The following CUBN variants were observed in gnomAD, a reference collection of about 807,000 sequenced individuals.
CUBN encodes 460 kDa receptor.
CUBN carries 282 observed loss-of-function variants against 405.3 expected under a neutral mutation model. That is an observed-to-expected ratio of 0.70 (90% confidence interval 0.63 to 0.77). The LOEUF is 0.77. Among genes scored for constraint, CUBN ranks in the 30% least tolerant of loss-of-function variants. The pLI is 0.00. For missense variants in CUBN, 4,514 were observed against 4,475.2 expected, an observed-to-expected ratio of 1.01 and a Z score of -0.25; for synonymous variants, 1,684 against 1,617.0, an observed-to-expected ratio of 1.04 and a Z score of -0.99.
chr10:16,861,890 C>A (rs1218755440), intron 59 of CUBN, among the ~76,000 whole-genome samples: 1 of 152,104 alleles, frequency 6.6e-6, no homozygotes, highest in South Asian at 2.1e-4. Flanking sequence ...GTGGCTCACA[C>A]CTGTAATCCC....
chr10:16,828,246 T>TA (rs1204834473), intron 66 of CUBN, among the ~76,000 whole-genome samples: 1 of 152,178 alleles, frequency 6.6e-6, no homozygotes, highest in African/African-American at 2.4e-5. Context: ...ACTGGAAGTC[T>TA]AATGTAAGTA....
At chr10:16,950,899 A>C (rs1237209045) in intron 33 of CUBN, among the ~76,000 whole-genome samples, 1 of 152,204 alleles carries the variant, frequency 6.6e-6, no homozygotes, top group African/African-American at 2.4e-5. Context: ...CTTGTAAATA[A>C]GGCATTCTTT....
intron 36 of CUBN, among the ~76,000 whole-genome samples, chr10:16,944,989 T>C (rs577991506): frequency 2.6e-5 from 4 of 152,340 alleles, no homozygotes; most frequent in South Asian, 4.1e-4. Context: ...GTCCTAGAAA[T>C]TTGAAATTAC....
intron 31 of CUBN, among the ~76,000 whole-genome samples, chr10:16,978,355 C>A (rs1356962480): frequency 5.9e-5 from 9 of 152,216 alleles, no homozygotes; most frequent in African/African-American, 1.9e-4. Flanking sequence ...GAACCATTGG[C>A]TACTTTTAGA....
At chr10:16,872,722 G>A (rs531514068) in intron 58 of CUBN, among the ~76,000 whole-genome samples, 3 of 152,266 alleles carry the variant, frequency 2.0e-5, no homozygotes, top group Admixed American at 2.0e-4. Flanking sequence ...ACAGAACAAG[G>A]CAATAATCAA....
chr10:17,118,860 T>C (rs12255756), intron 6 of CUBN, among the ~76,000 whole-genome samples: 1,619 of 152,356 alleles, frequency 0.011, 26 homozygotes, highest in African/African-American at 0.037. Flanking sequence ...AGCCATATAT[T>C]GTATTTTTAA....
chr10:16,868,569 A>G (rs1357407402), intron 59 of CUBN, among the ~76,000 whole-genome samples: 1 of 152,200 alleles, frequency 6.6e-6, no homozygotes, highest in Non-Finnish European at 1.5e-5. Flanking sequence ...ATGATCTTAG[A>G]CTGTGTCACT....
chr10:16,868,647 G>C (rs574203666), intron 59 of CUBN, among the ~76,000 whole-genome samples: 4 of 152,088 alleles, frequency 2.6e-5, no homozygotes, highest in Non-Finnish European at 5.9e-5. Context: ...TCAAAATTCT[G>C]AGTTAATTTG....
chr10:17,010,380 C>T (rs925276519), intron 28 of CUBN, among the ~76,000 whole-genome samples: 1 of 152,104 alleles, frequency 6.6e-6, no homozygotes, highest in South Asian at 2.1e-4. Context: ...GTGGCTCACA[C>T]CTGTAATCCC....
At chr10:16,918,945 C>T in intron 44 of CUBN, 145 bp from the exon 45 acceptor site, 1 of 791,938 alleles carries the variant, frequency 1.3e-6, no homozygotes, top group Non-Finnish European at 2.1e-6. Context: ...TAAGCCATGT[C>T]ACTTTAAAAT....
At chr10:16,949,557 A>G (rs1564442150) in intron 34 of CUBN, among the ~76,000 whole-genome samples, 2 of 152,126 alleles carry the variant, frequency 1.3e-5, no homozygotes, top group African/African-American at 2.4e-5. Flanking sequence ...ACAAACAAAA[A>G]GACAGATTTT....
chr10:16,984,314 A>G, intron 29 of CUBN, 35 bp from the exon 30 acceptor site: 1 of 1,604,468 alleles, frequency 6.2e-7, no homozygotes, highest in East Asian at 2.2e-5. Context: ...ACTTTAAAAA[A>G]TATTTTAAGC....
intron 36 of CUBN, among the ~76,000 whole-genome samples, chr10:16,943,007 G>A (rs1842697107): frequency 6.6e-6 from 1 of 152,172 alleles, no homozygotes; most frequent in Non-Finnish European, 1.5e-5. Context: ...GCTAAGTATA[G>A]TGCTCCCCTG....
chr10:16,847,369 G>A (rs1024337118), intron 60 of CUBN, among the ~76,000 whole-genome samples: 5 of 151,942 alleles, frequency 3.3e-5, no homozygotes, highest in Admixed American at 6.6e-5. Context: ...GGAGAATGGC[G>A]TGAACCCGGG....
intron 60 of CUBN, among the ~76,000 whole-genome samples, chr10:16,843,361 GCCATGA>G (rs1238215129): frequency 1.3e-4 from 20 of 152,300 alleles, no homozygotes; most frequent in African/African-American, 4.6e-4. Context: ...CCTCAGAACA[GCCATGA>G]CCATGACCAC....
chr10:16,892,002 T>C (rs1841033795), intron 54 of CUBN, among the ~76,000 whole-genome samples: 1 of 152,208 alleles, frequency 6.6e-6, no homozygotes, highest in Admixed American at 6.5e-5. Flanking sequence ...CATGGAATGA[T>C]ACCAAATTAC....
Position 16,901,405 on chromosome 10 carries a change from G to A in CUBN, c.8117C>T (p.Pro2706Leu), listed in dbSNP as rs756848359. 1 of 1,614,088 alleles carries A rather than the reference G, an allele frequency of 6.2e-7. No homozygotes were observed. The highest frequency in any genetic ancestry group is 1.1e-5 in the South Asian group (1 of 91,076). ...GTGGGTCAGGCTGTCATAAGCATTT[G>A]GATAGTTGGGGCTTGTGATCACTCC... ...DSGVITSPNY[P>L]NAYDSLTHCS... is the part of the protein sequence containing the mutation. The change falls in exon 52 of 67, where the codon CCA becomes CTA. Residue 2706 changes from proline (P) to leucine (L), a missense_variant. Pro to Leu is a moderately conservative substitution (Grantham distance 98). Coordinates refer to ENST00000377833, the MANE Select transcript of CUBN (RefSeq NM_001081.4).
chr10:17,025,495 T>C (rs1332135740), intron 27 of CUBN, among the ~76,000 whole-genome samples: 1 of 152,218 alleles, frequency 6.6e-6, no homozygotes, highest in Non-Finnish European at 1.5e-5. Flanking sequence ...TATCTCATAA[T>C]ATTGTTGCCA....
At chr10:17,006,608 CT>C (rs1834033698) in intron 28 of CUBN, among the ~76,000 whole-genome samples, 1 of 152,180 alleles carries the variant, frequency 6.6e-6, no homozygotes, top group African/African-American at 2.4e-5. Flanking sequence ...AAAGATCTAA[CT>C]TTAAGAGAAA....
Sources: allele counts gnomAD v4.1 joint callset (sites outside exome capture counted in the v4.1 genomes callset), GRCh38; gene constraint gnomAD v4.1.1; transcripts MANE v1.5; gene names NCBI Gene and HGNC (gene_info 2026-07-23, HGNC 2026-07-21).